DDR2: variants seen among roughly 807,000 people sequenced by gnomAD.
The protein encoded by DDR2 is discoidin domain receptor tyrosine kinase 2.
In DDR2, 27 loss-of-function variants were observed where a neutral mutation model predicts 94.9. The observed-to-expected ratio is 0.28, with a 90% confidence interval of 0.21 to 0.39. DDR2 has a LOEUF of 0.39. DDR2 is among the 10% of genes least tolerant of loss of function. The probability of loss-of-function intolerance (pLI) is 1.00; values close to 1 mark genes in which losing one functional copy is unlikely to be tolerated. For synonymous variants in DDR2, 382 were observed against 377.2 expected, an observed-to-expected ratio of 1.01 and a Z score of -0.15; for missense variants, 783 against 1,076.0, an observed-to-expected ratio of 0.73 and a Z score of 3.81.
chr1:162,751,250 G>A (rs1281324206), intron 3 of DDR2, among the ~76,000 whole-genome samples: 1 of 152,138 alleles, frequency 6.6e-6, no homozygotes, highest in Non-Finnish European at 1.5e-5. Flanking sequence ...GTACCCATCT[G>A]ACAAAGGGCT....
chr1:162,755,675 T>A lies in DDR2; in HGVS notation c.577T>A (p.Ser193Thr). 1 of 1,614,154 alleles carries A rather than the reference T, an allele frequency of 6.2e-7. No individual in the cohort carries two copies. Among genetic ancestry groups the A allele is most frequent in the Non-Finnish European group, 8.5e-7 (1 of 1,179,988 alleles). ...TGTTTCCTTTGCAGATGGCTTGGTG[T>A]CTTACAATGCTCCAGCTGGGCAGCA... ...YGCVWLDGLVSYNAPAGQQFV... is the reference protein window; with the variant it reads ...YGCVWLDGLVTYNAPAGQQFV... The change falls in exon 7 of 18, where the codon TCT (serine) becomes ACT (threonine). Residue 193 changes from serine to threonine, a missense_variant. Ser to Thr is a moderately conservative substitution (Grantham distance 58). Around this residue, in one of 2 missense-constraint regions of DDR2, gnomAD observed 519 missense variants for 647.9 expected, o/e 0.80. Transcript: ENST00000367921.
intron 2 of DDR2, among the ~76,000 whole-genome samples, chr1:162,662,074 C>G (rs977690757): frequency 1.3e-5 from 2 of 152,114 alleles, no homozygotes; most frequent in Non-Finnish European, 2.9e-5. Flanking sequence ...CTTGGAAGCC[C>G]TCCTGGAATT....
intron 1 of DDR2, among the ~76,000 whole-genome samples, chr1:162,653,773 G>A (rs924368479): frequency 7.9e-5 from 12 of 152,060 alleles, no homozygotes; most frequent in Non-Finnish European, 1.6e-4. Flanking sequence ...AAGTAGAAAA[G>A]GGCAGAAGTA....
intron 2 of DDR2, among the ~76,000 whole-genome samples, chr1:162,684,240 T>C (rs1479886477): frequency 2.0e-5 from 3 of 152,160 alleles, no homozygotes; most frequent in African/African-American, 7.2e-5. Context: ...TATCTCAGTT[T>C]TCTTTTCTGT....
intron 3 of DDR2, among the ~76,000 whole-genome samples, chr1:162,751,840 C>T (rs905962495): frequency 1.3e-5 from 2 of 152,164 alleles, no homozygotes; most frequent in African/African-American, 4.8e-5. Flanking sequence ...AGTTCTTGTC[C>T]TTTGTAGGGA....
intron 1 of DDR2, among the ~76,000 whole-genome samples, chr1:162,648,401 T>C (rs1294291539): frequency 1.3e-5 from 2 of 152,120 alleles, no homozygotes; most frequent in African/African-American, 4.8e-5. Context: ...GATATTTGCC[T>C]TGGGGAGCAT....
chr1:162,749,302 A>G (rs776774806), intron 3 of DDR2, among the ~76,000 whole-genome samples: 36 of 152,246 alleles, frequency 2.4e-4, no homozygotes, highest in Non-Finnish European at 5.9e-5. Flanking sequence ...AAATAGATAC[A>G]ATAAAAAATG....
chr1:162,677,486 T>C (rs1269162230), intron 2 of DDR2, among the ~76,000 whole-genome samples: 4 of 152,232 alleles, frequency 2.6e-5, no homozygotes, highest in Admixed American at 1.3e-4. Flanking sequence ...AGGCTTCTTA[T>C]GCCTTTTCCC....
At chr1:162,770,533 A>G (rs566229162) in intron 12 of DDR2, 21 bp downstream of exon 12, 1 of 1,609,944 alleles carries the variant, frequency 6.2e-7, no homozygotes, top group Non-Finnish European at 8.5e-7. Flanking sequence ...TGTGGTGGGC[A>G]GGGTGTCAAG....
At chr1:162,730,547 G>A (rs549822673) in intron 3 of DDR2, among the ~76,000 whole-genome samples, 5 of 152,196 alleles carry the variant, frequency 3.3e-5, no homozygotes, top group Non-Finnish European at 7.3e-5. Context: ...TACTGTCTAT[G>A]TACAGGTATT....
In DDR2 at chr1:162,778,571, C is replaced by T. The variant is rs772557425; in HGVS notation, c.2284-9C>T. 3 of 1,613,932 alleles carry T rather than the reference C, an allele frequency of 1.9e-6. No homozygotes were observed. Among genetic ancestry groups the T allele is most frequent in the South Asian group, 1.1e-5 (1 of 91,082 alleles). The stretch of plus-strand genomic sequence containing the variant: ...TTCTGATTTCCCATTCTTTTCTTTA[C>T]TTAAATAGGGCAAGTTCACTACAGC... On this transcript the variant is annotated splice_polypyrimidine_tract_variant and intron_variant, in intron 16 of 17. Transcript: ENST00000367921.
At chr1:162,704,871 C>T (rs1427686933) in intron 2 of DDR2, among the ~76,000 whole-genome samples, 1 of 152,186 alleles carries the variant, frequency 6.6e-6, no homozygotes, top group African/African-American at 2.4e-5. Flanking sequence ...TTACTAAGGA[C>T]TCTCAACAGC....
intron 14 of DDR2, among the ~76,000 whole-genome samples, chr1:162,775,449 A>T (rs985464040): frequency 7.2e-5 from 11 of 152,206 alleles, no homozygotes; most frequent in Non-Finnish European, 1.3e-4. Context: ...CAAAAACATT[A>T]CAATTGAATA....
intron 1 of DDR2, among the ~76,000 whole-genome samples, chr1:162,641,882 A>T (rs954707023): frequency 4.6e-5 from 7 of 152,218 alleles, no homozygotes; most frequent in African/African-American, 1.4e-4. Flanking sequence ...GGAGGAACAG[A>T]TAAGCTTATG....
At chr1:162,696,772 G>A (rs940672563) in intron 2 of DDR2, among the ~76,000 whole-genome samples, 5 of 151,976 alleles carry the variant, frequency 3.3e-5, no homozygotes, top group African/African-American at 9.7e-5. Context: ...GAAATCAGAG[G>A]CAGCTTGTGC....
intron 3 of DDR2, among the ~76,000 whole-genome samples, chr1:162,735,968 G>A (rs560132892): frequency 6.6e-6 from 1 of 152,322 alleles, no homozygotes; most frequent in South Asian, 2.1e-4. Flanking sequence ...TCATGGCCTA[G>A]TGTTTAGAGA....
chr1:162,653,316 C>T (rs187026777), intron 1 of DDR2, among the ~76,000 whole-genome samples: 7 of 152,236 alleles, frequency 4.6e-5, no homozygotes, highest in Non-Finnish European at 1.0e-4. Context: ...GTGGCTTGTG[C>T]CTGTAATCCC....
At chr1:162,655,014 A>G (rs1657886716) in intron 1 of DDR2, among the ~76,000 whole-genome samples, 197 bp from the exon 2 acceptor site, 1 of 152,148 alleles carries the variant, frequency 6.6e-6, no homozygotes, top group African/African-American at 2.4e-5. Flanking sequence ...TCTCAGTTTT[A>G]ATTTCTTAAC....
chr1:162,652,961 C>T (rs6670502), intron 1 of DDR2, among the ~76,000 whole-genome samples: 44,651 of 151,938 alleles, frequency 0.29, 6,890 homozygotes, highest in African/African-American at 0.35. Flanking sequence ...CAAAAGTTAG[C>T]TGGGCGTGGT....
Sources: gnomAD v4.1 joint callset for allele counts (sites outside exome capture counted in the v4.1 genomes callset) on GRCh38, gnomAD v4.1.1 for gene constraint, gnomAD v4.1.1 regional missense constraint, MANE v1.5 for transcripts, NCBI Gene and HGNC (gene_info 2026-07-23, HGNC 2026-07-21) for gene names.